Variants in IKBKE observed in about 807,000 individuals in gnomAD.
IKBKE encodes inhibitor of nuclear factor kappa B kinase subunit epsilon.
Under a neutral mutation model 92.1 loss-of-function variants are expected in IKBKE, and 45 were observed. The ratio of observed to expected loss-of-function variants is 0.49; its 90% CI spans 0.38 to 0.63. The LOEUF (loss-of-function observed/expected upper bound fraction) is 0.63. Ranked by LOEUF, IKBKE falls within the 20% of genes least tolerant of loss-of-function variation. The pLI is 0.00. For synonymous variants in IKBKE, 374 were observed against 380.3 expected, an observed-to-expected ratio of 0.98 and a Z score of 0.19; for missense variants, 700 against 932.8, an observed-to-expected ratio of 0.75 and a Z score of 3.25.
rs55721947 is a variant in IKBKE at position 206,474,986 on chromosome 1, G to C, written c.350G>C (p.Arg117Pro). ...LPEDEFLVVL[R>P]CVVAGMNHLR... ...GAGGATGAGTTCCTGGTGGTGCTGCGCTGTGTGGGTGAGCCCCTCCCTGTC... is the reference window on the plus strand; with the variant it reads ...GAGGATGAGTTCCTGGTGGTGCTGCCCTGTGTGGGTGAGCCCCTCCCTGTC... Residue 117 changes from arginine (R) to proline (P), a missense_variant, in exon 5 of 22, where the codon CGC becomes CCC. Physicochemically the swap from Arg to Pro is moderately radical, Grantham distance 103 (BLOSUM62 -2). Coordinates refer to ENST00000581977, the MANE Select transcript of IKBKE (RefSeq NM_014002.4). 9.9e-6 allele frequency: 16 copies of C among 1,613,890 alleles called. No individual in the cohort carries two copies. The highest frequency in any genetic ancestry group is 1.3e-5 in the African/African-American group (1 of 75,016).
rs1553388549 is a variant in IKBKE, at chr1:206,485,983, C to A, written c.1616+677C>A. Among the ~76,000 whole-genome samples, 1 of 152,234 alleles carries A rather than the reference C, an allele frequency of 6.6e-6. No homozygotes were observed. The highest frequency in any genetic ancestry group is 1.5e-5 in the Non-Finnish European group (1 of 68,050). The stretch of plus-strand genomic sequence containing the variant: ...ACCTCCTCCCCATTCTCTGCTGGTG[C>A]CTACTGTAATCTGGGCCTATCCCCA... On this transcript the variant is annotated intron_variant, in intron 15 of 21. Coordinates refer to ENST00000581977, the MANE Select transcript of IKBKE (RefSeq NM_014002.4). This position sits in a 1 kb window ranked among gnomAD's most constrained non-coding sequence, Gnocchi z 5.0.
chr1:206,493,386 C>G lies in IKBKE; in HGVS notation c.2045+8C>G, dbSNP rs782269093. 1.3e-6 allele frequency: 2 copies of G among 1,597,616 alleles called. No homozygotes were observed. Among genetic ancestry groups the G allele is most frequent in the South Asian group, 2.2e-5 (2 of 90,730 alleles). ...AAAGGACCTGCTTCTCCAGTAAGTG[C>G]TGGGGAGAAAGCGGTTGTGTATCTG... On this transcript the variant is annotated splice_region_variant and intron_variant, in intron 20 of 21. Transcript: ENST00000581977.
At chr1:206,492,800 C>A (rs782529394) in intron 18 of IKBKE, 42 of 658,084 alleles carry the variant, frequency 6.4e-5, no homozygotes, top group African/African-American at 5.4e-4. Flanking sequence ...CTCCACACTA[C>A]GGCTCTGAAG....
chr1:206,479,703 A>T (rs1665268154), intron 10 of IKBKE, among the ~76,000 whole-genome samples, 167 bp from the exon 11 acceptor site: 1 of 152,198 alleles, frequency 6.6e-6, no homozygotes, highest in African/African-American at 2.4e-5. Context: ...GTGAGGGATC[A>T]CAACTTTAAG....
intron 18 of IKBKE, 140 bp downstream of exon 18, chr1:206,491,889 C>T: frequency 1.6e-6 from 1 of 611,266 alleles, no homozygotes; most frequent in East Asian, 3.0e-5. Flanking sequence ...GTTTTCTGTC[C>T]CTGGGTGGAC....
intron 21 of IKBKE, 103 bp from the exon 22 acceptor site, chr1:206,496,009 G>C: frequency 1.2e-6 from 1 of 830,490 alleles, no homozygotes; most frequent in South Asian, 1.6e-5. Flanking sequence ...CTGAGGACTT[G>C]AATGGCTCAG....
Position 206,473,307 on chromosome 1 carries a change from G to T in IKBKE, c.80G>T (p.Arg27Leu). Residue 27 changes from arginine to leucine, a missense_variant, in exon 3 of 22, where the codon CGC becomes CTC. Arg to Leu is a moderately radical substitution (Grantham distance 102). Transcript: ENST00000581977. ...QGATASVYKA[R>L]NKKSGELVAV... ...GCCACTGCCAGTGTGTACAAGGCCCGCAACAAGGTAGGAAGCAACCCTGGC... is the reference window on the plus strand; with the variant it reads ...GCCACTGCCAGTGTGTACAAGGCCCTCAACAAGGTAGGAAGCAACCCTGGC... 1 of 1,611,198 alleles carries T rather than the reference G, an allele frequency of 6.2e-7. No individual in the cohort carries two copies. The highest frequency in any genetic ancestry group is 1.1e-5 in the South Asian group (1 of 90,536).
Position 206,476,484 on chromosome 1 carries a change from C to T in IKBKE, c.540+122C>T. ...TGCTTCCACAGGAGTTATGTCTCTCCCCTGTACCCCAACCAGAAGAATGCA... is the reference window on the plus strand; with the variant it reads ...TGCTTCCACAGGAGTTATGTCTCTCTCCTGTACCCCAACCAGAAGAATGCA... On this transcript the variant is annotated intron_variant, in intron 6 of 21. Transcript: ENST00000581977. The surrounding 1 kb of genome is among the most constrained non-coding windows in gnomAD (Gnocchi z 5.1). 8.6e-7 allele frequency: 1 copy of T among 1,163,588 alleles called. No individual in the cohort carries two copies. The highest frequency in any genetic ancestry group is 2.1e-5 in the Admixed American group (1 of 47,622). 72.1% of individuals were successfully genotyped at this position (1,163,588 alleles called of 1,614,324 possible). A position where few individuals can be genotyped will look rare whatever the true frequency, so the allele number is the denominator to read the frequency against.
chr1:206,477,832 C>G lies in IKBKE; in HGVS notation c.785C>G (p.Thr262Ser). ...AACGGGCCCCTGGAGTGGAGCTACA[C>G]CCTCCCCATCACCTGCCAGCTGTCA... ...RENGPLEWSY[T>S]LPITCQLSLG... Residue 262 changes from threonine to serine, a missense_variant, in exon 8 of 22, where the codon ACC (threonine) becomes AGC (serine). By Grantham distance (58) the Thr-to-Ser change is moderately conservative. Transcript: ENST00000581977. 1 of 1,556,212 alleles carries G rather than the reference C, an allele frequency of 6.4e-7. No individual in the cohort carries two copies. The highest frequency in any genetic ancestry group is 8.7e-7 in the Non-Finnish European group (1 of 1,149,598).
intron 5 of IKBKE, chr1:206,475,285 T>C (rs1387895960): frequency 1.9e-5 from 9 of 473,880 alleles, no homozygotes; most frequent in Non-Finnish European, 3.3e-5. Flanking sequence ...TGGATGGACC[T>C]TGATGACATT....
intron 12 of IKBKE, among the ~76,000 whole-genome samples, 158 bp from the exon 13 acceptor site, chr1:206,480,289 G>A (rs1665306959): frequency 7.2e-6 from 1 of 139,422 alleles, no homozygotes; most frequent in Non-Finnish European, 1.6e-5. Context: ...GCGGGCTGGA[G>A]GGGGAGGCGG....
At chr1:206,472,368 T>C (rs1464468959) in intron 2 of IKBKE, among the ~76,000 whole-genome samples, 1 of 152,168 alleles carries the variant, frequency 6.6e-6, no homozygotes, top group African/African-American at 2.4e-5. Flanking sequence ...AAAGAGAAAT[T>C]GAGTTTAACT....
At position 206,478,874 on chromosome 1, in the gene IKBKE, G is replaced by T. The variant is rs782038869; in HGVS notation, c.993-69G>T. 11 of 1,221,986 alleles carry T rather than the reference G, an allele frequency of 9.0e-6. No homozygotes were observed. In the South Asian group the frequency reaches 1.2e-4, roughly 13 times the overall value. The allele number at this position is 1,221,986 out of a possible 1,614,324, so 75.7% of individuals were successfully genotyped here. A position where few individuals can be genotyped will look rare whatever the true frequency, so the allele number is the denominator to read the frequency against. ...TGGGCAACGCTTAGCTGGGGCTTAG[G>T]TCACCCTAGCCCCCTGCCTTGCCTA... On this transcript the variant is annotated intron_variant, in intron 9 of 21. Transcript: ENST00000581977. The surrounding 1 kb of genome is among the most constrained non-coding windows in gnomAD (Gnocchi z 4.8).
At chr1:206,486,348 CT>C (rs1262173330) in intron 15 of IKBKE, among the ~76,000 whole-genome samples, 1 of 152,042 alleles carries the variant, frequency 6.6e-6, no homozygotes, top group Non-Finnish European at 1.5e-5. Flanking sequence ...GGCTGCAGAT[CT>C]GAGGCCCTGT....
At chr1:206,491,974 A>T in intron 18 of IKBKE, 1 of 433,750 alleles carries the variant, frequency 2.3e-6, no homozygotes, top group East Asian at 4.6e-5. Flanking sequence ...AGTAGATATC[A>T]TCACCCTATT....
chr1:206,496,234 C>T lies in IKBKE; in HGVS notation c.*89C>T. 3 of 1,091,796 alleles carry T rather than the reference C, an allele frequency of 2.7e-6. No individual in the cohort carries two copies. Among genetic ancestry groups the T allele is most frequent in the Admixed American group, 3.4e-5 (2 of 58,318 alleles). 67.6% of individuals were successfully genotyped at this position (1,091,796 alleles called of 1,614,324 possible). A position where few individuals can be genotyped will look rare whatever the true frequency, so the allele number is the denominator to read the frequency against. On this transcript the variant is annotated 3_prime_UTR_variant, in exon 22 of 22. Coordinates refer to ENST00000581977, the MANE Select transcript of IKBKE (RefSeq NM_014002.4). ...CATGAGACCAACCCAGGGCAAGATCCCATCCCATCACATCAGCCTACCTCC... is the reference window on the plus strand; with the variant it reads ...CATGAGACCAACCCAGGGCAAGATCTCATCCCATCACATCAGCCTACCTCC...
chr1:206,489,020 A>G (rs1665800401), intron 16 of IKBKE, among the ~76,000 whole-genome samples: 2 of 151,758 alleles, frequency 1.3e-5, no homozygotes, highest in Admixed American at 6.6e-5. Context: ...TTATTTCCTT[A>G]GCAATTCTGT....
rs1460147892 is a variant in IKBKE at position 206,496,443 on chromosome 1, T to A, written c.*298T>A. 4.6e-6 allele frequency: 2 copies of A among 433,582 alleles called. No homozygotes were observed. The highest frequency in any genetic ancestry group is 8.4e-6 in the Non-Finnish European group (2 of 238,534). The allele number at this position is 433,582 out of a possible 1,614,324, so 26.9% of individuals were successfully genotyped here. Reference sequence around the variant, plus strand: ...CTCAGGTACTGCTCCTCCATGCCCATGGCTGGGCCGTGGGGAGAAGAAGCT... The same window carrying A: ...CTCAGGTACTGCTCCTCCATGCCCAAGGCTGGGCCGTGGGGAGAAGAAGCT... On this transcript the variant is annotated 3_prime_UTR_variant, in exon 22 of 22. Coordinates refer to ENST00000581977, the MANE Select transcript of IKBKE (RefSeq NM_014002.4).
At chr1:206,475,341 A>G (rs1341487499) in intron 5 of IKBKE, among the ~76,000 whole-genome samples, 8 of 152,232 alleles carry the variant, frequency 5.3e-5, no homozygotes, top group Non-Finnish European at 1.2e-4. Context: ...ATCCTGTATG[A>G]TTCCACTCAT....
Sources: allele counts gnomAD v4.1 joint callset (sites outside exome capture counted in the v4.1 genomes callset), GRCh38; gene constraint gnomAD v4.1.1; non-coding constraint Gnocchi (gnomAD v3.1); transcripts MANE v1.5; gene names NCBI Gene and HGNC (gene_info 2026-07-23, HGNC 2026-07-21).